GMFB: variants seen among roughly 807,000 people sequenced by gnomAD.
The protein encoded by GMFB is glia maturation factor beta, also known as GMF-beta.
In GMFB, 13 loss-of-function variants were observed where a neutral mutation model predicts 25.6. The ratio of observed to expected loss-of-function variants is 0.51; its 90% confidence interval spans 0.33 to 0.81. GMFB has a LOEUF of 0.81. GMFB is among the 30% of genes least tolerant of loss of function. GMFB has a pLI of 0.02. For missense variants in GMFB, 146 were observed against 175.4 expected (o/e 0.83, Z 0.95); for synonymous variants, 57 against 56.9 (o/e 1.00, Z 0.00).
intron 1 of GMFB, 95 bp from the exon 2 acceptor site, chr14:54,483,862 C>T: frequency 1.3e-6 from 1 of 754,550 alleles, no homozygotes; most frequent in Non-Finnish European, 2.4e-6. Flanking sequence ...TGCATACTGA[C>T]ATTCACAAAT....
intron 5 of GMFB, 119 bp downstream of exon 5, chr14:54,480,755 C>A: frequency 1.6e-6 from 1 of 633,572 alleles, no homozygotes; most frequent in Non-Finnish European, 2.8e-6. Flanking sequence ...GACACAGACC[C>A]TCCTCAATTT....
intron 2 of GMFB, chr14:54,483,368 G>A (rs528911152): frequency 1.5e-5 from 4 of 264,082 alleles, no homozygotes; most frequent in African/African-American, 9.0e-5. Context: ...CCCCCAAGAA[G>A]GATGGGTTGG....
intron 2 of GMFB, 125 bp downstream of exon 2, chr14:54,483,546 T>C: frequency 3.2e-6 from 2 of 627,520 alleles, no homozygotes; most frequent in Non-Finnish European, 5.8e-6. Context: ...GATCTAAAGG[T>C]GGTGGTGGGG....
intron 1 of GMFB, among the ~76,000 whole-genome samples, chr14:54,487,003 G>T (rs2031791730): frequency 6.6e-6 from 1 of 152,154 alleles, no homozygotes; most frequent in South Asian, 2.1e-4. Context: ...GAGGAGAAAG[G>T]GCATGAGTTC....
intron 1 of GMFB, 145 bp from the exon 2 acceptor site, chr14:54,483,912 AG>A: frequency 1.4e-6 from 1 of 704,412 alleles, no homozygotes; most frequent in Non-Finnish European, 2.6e-6. Flanking sequence ...AACACTTAAA[AG>A]AACTTTAAAA....
chr14:54,480,411 A>T (rs2031695023), intron 5 of GMFB: 1 of 157,444 alleles, frequency 6.4e-6, no homozygotes, highest in Admixed American at 6.5e-5. Flanking sequence ...GGTGATAATG[A>T]ATTCCTTAAA....
rs777964033 is a variant in GMFB at position 54,480,838 on chromosome 14, A to G, written c.283+36T>C. 54 of 1,068,960 alleles carry G rather than the reference A, an allele frequency of 5.1e-5. No homozygotes were observed. The South Asian group carries it at 7.3e-4, about 14-fold the overall frequency. 66.2% of individuals were successfully genotyped at this position (1,068,960 alleles called of 1,614,324 possible). On this transcript the variant is annotated intron_variant, in intron 5 of 6. Transcript: ENST00000358056. ...AGTATAAAATGGCTTAATTGGATCTAAGCCAAATATGTGTTATTTAAAGAA... is the reference window on the plus strand; with the variant it reads ...AGTATAAAATGGCTTAATTGGATCTGAGCCAAATATGTGTTATTTAAAGAA...
rs914868600 is a variant in GMFB at position 54,474,796 on chromosome 14, A to C, written c.*3292T>G. On this transcript the variant is annotated 3_prime_UTR_variant, in exon 7 of 7. Transcript: ENST00000358056. ...ATGAATTATAATCCAAAAAGCAATA[A>C]AATACAATTTCTATCACAAGTTTAC... 19 of 152,768 alleles carry C rather than the reference A, an allele frequency of 1.2e-4. No individual in the cohort carries two copies. The highest frequency in any genetic ancestry group is 4.3e-4 in the African/African-American group (18 of 41,588). The allele number at this position is 152,768 out of a possible 1,614,324, so 9.5% of individuals were successfully genotyped here. A position where few individuals can be genotyped will look rare whatever the true frequency, so the allele number is the denominator to read the frequency against.
At chr14:54,488,826 C>A (rs1348989265) in intron 1 of GMFB, 99 bp downstream of exon 1, 32 of 1,020,242 alleles carry the variant, frequency 3.1e-5, no homozygotes, top group Middle Eastern at 2.8e-4. Context: ...GCCGAGCCCT[C>A]CTGGGCGCTG....
chr14:54,477,048 T>G lies in GMFB; in HGVS notation c.*1040A>C, dbSNP rs1437520313. On this transcript the variant is annotated 3_prime_UTR_variant, in exon 7 of 7. Transcript: ENST00000358056. ...ACTATGGCCAAAGTTTTAAGATAAT[T>G]TTTTCCTATGGCACAAAACTAACCA... 1.3e-5 allele frequency: 2 copies of G among 152,024 alleles called. No homozygotes were observed. The highest frequency in any genetic ancestry group is 4.8e-5 in the African/African-American group (2 of 41,424). 9.4% of individuals were successfully genotyped at this position (152,024 alleles called of 1,614,324 possible). A position where few individuals can be genotyped will look rare whatever the true frequency, so the allele number is the denominator to read the frequency against.
At position 54,476,221 on chromosome 14, in the gene GMFB, C is replaced by T. The variant is rs571617308; in HGVS notation, c.*1867G>A. Reference sequence around the variant, plus strand: ...CGTATGGCAGGTCAATATTATCTGACATTATGGAGGACCTCCAAATTTAAA... The same window carrying T: ...CGTATGGCAGGTCAATATTATCTGATATTATGGAGGACCTCCAAATTTAAA... On this transcript the variant is annotated 3_prime_UTR_variant, in exon 7 of 7. Coordinates refer to ENST00000358056, the MANE Select transcript of GMFB (RefSeq NM_004124.3). 5.9e-5 allele frequency: 9 copies of T among 152,134 alleles called. 1 individual carries two copies. In the South Asian group the frequency reaches 1.9e-3, roughly 32 times the overall value. The allele number at this position is 152,134 out of a possible 1,614,324, so 9.4% of individuals were successfully genotyped here.
At chr14:54,484,071 A>T (rs2031751538) in intron 1 of GMFB, 1 of 425,750 alleles carries the variant, frequency 2.3e-6, no homozygotes, top group Admixed American at 3.5e-5. Flanking sequence ...CTGGAGAGGA[A>T]GGGAAGAATA....
chr14:54,481,018 G>A, intron 4 of GMFB, 62 bp from the exon 5 acceptor site: 1 of 747,206 alleles, frequency 1.3e-6, no homozygotes, highest in Non-Finnish European at 2.3e-6. Context: ...CCAACACCTG[G>A]GGAGCTACTG....
At chr14:54,478,200 C>CA (rs745356156) in intron 6 of GMFB, 41 bp from the exon 7 acceptor site, 364 of 682,408 alleles carry the variant, frequency 5.3e-4, no homozygotes, top group South Asian at 9.8e-4. Flanking sequence ...TTTGACACTC[C>CA]AAAAAAAAAG....
In GMFB at chr14:54,476,255, A is replaced by G. The variant is rs1239557484; in HGVS notation, c.*1833T>C. On this transcript the variant is annotated 3_prime_UTR_variant, in exon 7 of 7. Coordinates refer to ENST00000358056, the MANE Select transcript of GMFB (RefSeq NM_004124.3). ...GGACCTCCAAATTTAAAAATAAGCA[A>G]AACTAAAACATGCAAGACAAAATAA... is the stretch of plus-strand genomic sequence containing the variant. 1 of 152,034 alleles carries G rather than the reference A, an allele frequency of 6.6e-6. No individual in the cohort carries two copies. The highest frequency in any genetic ancestry group is 1.5e-5 in the Non-Finnish European group (1 of 67,898). 9.4% of individuals were successfully genotyped at this position (152,034 alleles called of 1,614,324 possible).
intron 4 of GMFB, 66 bp from the exon 5 acceptor site, chr14:54,481,022 G>T (rs757229143): frequency 2.8e-6 from 2 of 721,634 alleles, no homozygotes; most frequent in Non-Finnish European, 4.8e-6. Context: ...CACCTGGGGA[G>T]CTACTGAGCT....
chr14:54,480,942 C>T lies in GMFB; in HGVS notation c.215G>A (p.Ser72Asn). ...TCCATCATCATGTTGATATTTATAA[C>T]TATACACAATGAAGGTTTTTCTCAA... is the stretch of plus-strand genomic sequence containing the variant. ...PERQPRFIVY[S>N]YKYQHDDGRV... is the part of the protein sequence containing the mutation. The change falls in exon 5 of 7, where the codon AGT becomes AAT. Residue 72 changes from serine to asparagine, a missense_variant. Ser to Asn is a conservative substitution (Grantham distance 46). Coordinates refer to ENST00000358056, the MANE Select transcript of GMFB (RefSeq NM_004124.3). The T allele has an allele frequency of 6.7e-7, 1 of 1,495,002 alleles. No homozygotes were observed. The highest frequency in any genetic ancestry group is 9.2e-7 in the Non-Finnish European group (1 of 1,081,872). The allele number at this position is 1,495,002 out of a possible 1,614,324, so 92.6% of individuals were successfully genotyped here.
chr14:54,488,086 G>A (rs2031813301), intron 1 of GMFB, among the ~76,000 whole-genome samples: 1 of 152,208 alleles, frequency 6.6e-6, no homozygotes, highest in African/African-American at 2.4e-5. Context: ...CAGTGACCAT[G>A]ACAAGATCTA....
chr14:54,486,366 GA>G (rs1383392557), intron 1 of GMFB, among the ~76,000 whole-genome samples: 1 of 152,190 alleles, frequency 6.6e-6, no homozygotes, highest in Non-Finnish European at 1.5e-5. Flanking sequence ...ACCACTAGAA[GA>G]AAACACTGGG....
Sources: gnomAD v4.1 joint callset for allele counts (sites outside exome capture counted in the v4.1 genomes callset) on GRCh38, gnomAD v4.1.1 for gene constraint, MANE v1.5 for transcripts, NCBI Gene and HGNC (gene_info 2026-07-23, HGNC 2026-07-21) for gene names.